The following NAALADL2 variants were observed in gnomAD, a reference collection of about 807,000 sequenced individuals.
The protein encoded by NAALADL2 is N-acetylated alpha-linked acidic dipeptidase like 2.
Under a neutral mutation model 87.2 loss-of-function variants are expected in NAALADL2, and 76 were observed. That is an observed-to-expected ratio of 0.87 (90% CI 0.72 to 1.05). The LOEUF (loss-of-function observed/expected upper bound fraction) is 1.05. NAALADL2 is among the 50% of genes least tolerant of loss of function. The pLI is 0.00. For missense variants in NAALADL2, 1,089 were observed against 945.8 expected (o/e 1.15, Z -1.99); for synonymous variants, 354 against 331.0 (o/e 1.07, Z -0.75).
At chr3:174,974,831 G>A (rs1744154413) in intron 1 of NAALADL2, among the ~76,000 whole-genome samples, 1 of 152,004 alleles carries the variant, frequency 6.6e-6, no homozygotes, top group East Asian at 1.9e-4. Flanking sequence ...GCAAAATATT[G>A]GAAGTATATT....
intron 6 of NAALADL2, among the ~76,000 whole-genome samples, chr3:175,461,020 C>A (rs1263390894): frequency 6.6e-6 from 1 of 152,146 alleles, no homozygotes; most frequent in Admixed American, 6.5e-5. Context: ...GTCCATTTTA[C>A]AGAGTGCTGA....
At chr3:174,827,322 T>C (rs1316440054) in intron 3 of NAALADL2, among the ~76,000 whole-genome samples, 6 of 152,174 alleles carry the variant, frequency 3.9e-5, no homozygotes, top group Non-Finnish European at 7.3e-5. Flanking sequence ...AATTCCAACA[T>C]GGGTCTCAGT....
At chr3:175,520,703 C>T (rs1265009428) in intron 9 of NAALADL2, among the ~76,000 whole-genome samples, 3 of 152,174 alleles carry the variant, frequency 2.0e-5, no homozygotes, top group Non-Finnish European at 4.4e-5. Context: ...ACTGATCTGT[C>T]AAGCCTAGAG....
intron 1 of NAALADL2, among the ~76,000 whole-genome samples, chr3:174,922,530 A>T (rs965889821): frequency 1.3e-5 from 2 of 152,134 alleles, no homozygotes; most frequent in Non-Finnish European, 2.9e-5. Context: ...CTCTAATTTG[A>T]ATTTCATCAG....
rs193272245 is a variant in NAALADL2 at position 174,972,069 on chromosome 3, C to G, written c.43+112619C>G. On this transcript the variant is annotated intron_variant, in intron 1 of 13. Transcript: ENST00000454872. ...CCTCTTTATCCTGCCCATGAACACC[C>G]TACCTCATTGGTCACAGTCACCGCC... Among the ~76,000 whole-genome samples, 21 of 152,192 alleles carry G rather than the reference C, an allele frequency of 1.4e-4. No individual in the cohort carries two copies. The East Asian group carries it at 4.1e-3, about 29-fold the overall frequency.
intron 2 of NAALADL2, among the ~76,000 whole-genome samples, chr3:174,635,181 A>G (rs548100213): frequency 8.3e-4 from 126 of 152,288 alleles, no homozygotes; most frequent in Non-Finnish European, 1.5e-3. Flanking sequence ...CATGGCAGTC[A>G]TCTTCATTTT....
intron 10 of NAALADL2, among the ~76,000 whole-genome samples, chr3:175,607,227 A>T (rs2149660771): frequency 6.6e-6 from 1 of 152,344 alleles, no homozygotes; most frequent in East Asian, 1.9e-4. Context: ...CATGCTAAAG[A>T]AATGGAAAGC....
intron 9 of NAALADL2, among the ~76,000 whole-genome samples, chr3:175,512,672 G>T (rs1287265459): frequency 6.6e-6 from 1 of 152,188 alleles, no homozygotes; most frequent in Admixed American, 6.5e-5. Context: ...AAATGTTCTT[G>T]AGTAGGAGCC....
At chr3:175,060,659 T>C (rs956350098) in intron 1 of NAALADL2, among the ~76,000 whole-genome samples, 4 of 152,236 alleles carry the variant, frequency 2.6e-5, no homozygotes, top group Non-Finnish European at 4.4e-5. Context: ...ATAGCCGTAC[T>C]ATATTAGCTA....
intron 1 of NAALADL2, among the ~76,000 whole-genome samples, chr3:174,941,199 T>C (rs1413841203): frequency 1.3e-5 from 2 of 152,166 alleles, no homozygotes; most frequent in South Asian, 4.1e-4. Context: ...TGGTGCATTG[T>C]ATCTTTGTTC....
intron 10 of NAALADL2, among the ~76,000 whole-genome samples, chr3:175,622,590 TC>T (rs760358207): frequency 6.6e-6 from 1 of 152,080 alleles, no homozygotes; most frequent in Non-Finnish European, 1.5e-5. Flanking sequence ...TGAATTCCAG[TC>T]CAGATTCTGC....
chr3:174,601,100 T>C (rs994200028), intron 2 of NAALADL2, among the ~76,000 whole-genome samples: 1 of 152,168 alleles, frequency 6.6e-6, no homozygotes. Context: ...AGTTATTTCA[T>C]AGAAGTACAG....
rs11299561 is a variant in NAALADL2, at chr3:175,464,159, A to AT, written c.1327+677dup. On this transcript the variant is annotated intron_variant, in intron 7 of 13. Coordinates refer to ENST00000454872, the MANE Select transcript of NAALADL2 (RefSeq NM_207015.3). ...CTAAGAAAGATTTTAGTTTTTAATG[A>AT]TTTTTTTTTTTAAATAAAAGTTTTG... Among the ~76,000 whole-genome samples, 507 of 149,266 alleles carry AT rather than the reference A, an allele frequency of 3.4e-3. 1 individual carries two copies. Among genetic ancestry groups the AT allele is most frequent in the East Asian group, 0.011 (54 of 5,060 alleles).
intron 1 of NAALADL2, among the ~76,000 whole-genome samples, chr3:174,531,749 T>C (rs1721260309): frequency 6.6e-6 from 1 of 152,162 alleles, no homozygotes; most frequent in African/African-American, 2.4e-5. Context: ...AAATGTATAC[T>C]CCCTCTAGTG....
At chr3:175,536,213 G>A (rs527990140) in intron 9 of NAALADL2, among the ~76,000 whole-genome samples, 3 of 152,176 alleles carry the variant, frequency 2.0e-5, no homozygotes, top group African/African-American at 4.8e-5. Context: ...GCAAATAGAA[G>A]GTTATCAATA....
At chr3:175,747,230 C>T (rs1746043181) in intron 12 of NAALADL2, among the ~76,000 whole-genome samples, 1 of 152,060 alleles carries the variant, frequency 6.6e-6, no homozygotes, top group African/African-American at 2.4e-5. Context: ...TTTTGTTTAT[C>T]TTCTGTCTCA....
chr3:175,305,873 A>G lies in NAALADL2; in HGVS notation c.940-18302A>G, dbSNP rs1581344051. Reference sequence around the variant, plus strand: ...TACATAATATATACCTTCCATCTTTATTGCTTCTAGTTTAACATTTTTATA... The same window carrying G: ...TACATAATATATACCTTCCATCTTTGTTGCTTCTAGTTTAACATTTTTATA... On this transcript the variant is annotated intron_variant, in intron 4 of 13. Transcript: ENST00000454872. Among the ~76,000 whole-genome samples the G allele has an allele frequency of 2.0e-5, 3 of 151,952 alleles. No homozygotes were observed. The South Asian group carries it at 6.2e-4, about 32-fold the overall frequency.
chr3:175,143,385 T>A (rs1401134136), intron 2 of NAALADL2, among the ~76,000 whole-genome samples: 1 of 151,848 alleles, frequency 6.6e-6, no homozygotes. Context: ...CTCTGAAAAA[T>A]TTTAAATTGA....
At chr3:175,464,537 C>T (rs1336464950) in intron 7 of NAALADL2, among the ~76,000 whole-genome samples, 1 of 152,092 alleles carries the variant, frequency 6.6e-6, no homozygotes, top group Non-Finnish European at 1.5e-5. Context: ...GTCTAATGTG[C>T]CTGTTATACA....
Sources: allele counts gnomAD v4.1 joint callset (sites outside exome capture counted in the v4.1 genomes callset), GRCh38; gene constraint gnomAD v4.1.1; transcripts MANE v1.5; gene names NCBI Gene and HGNC (gene_info 2026-07-23, HGNC 2026-07-21).